Variants in MCM9 observed in about 807,000 individuals in gnomAD.
MCM9 encodes DNA helicase MCM9.
A neutral mutation model predicts 72.8 loss-of-function variants in MCM9; 55 were observed. The ratio of observed to expected loss-of-function variants is 0.76; its 90% CI spans 0.61 to 0.95. The LOEUF (loss-of-function observed/expected upper bound fraction) is 0.95, where lower values mean the gene tolerates loss of function less well. Among genes scored for constraint, MCM9 ranks in the 40% least tolerant of loss-of-function variants. MCM9 has a pLI of 0.00. For missense variants in MCM9, 1,279 were observed against 1,377.0 expected, an observed-to-expected ratio of 0.93 and a Z score of 1.13; for synonymous variants, 480 against 503.4, an observed-to-expected ratio of 0.95 and a Z score of 0.62.
chr6:118,868,815 G>C (rs1335313390), intron 8 of MCM9, among the ~76,000 whole-genome samples: 4 of 152,242 alleles, frequency 2.6e-5, no homozygotes, highest in South Asian at 2.1e-4. Context: ...TACACTGTTT[G>C]TGGGTGTATA....
chr6:118,866,432 A>T (rs1054239191), intron 8 of MCM9, among the ~76,000 whole-genome samples: 31 of 152,224 alleles, frequency 2.0e-4, no homozygotes, highest in African/African-American at 7.0e-4. Context: ...GGTCAAAAAG[A>T]TGCTCACCAG....
chr6:118,844,138 T>C (rs1335744858), intron 9 of MCM9, among the ~76,000 whole-genome samples: 1 of 151,894 alleles, frequency 6.6e-6, no homozygotes, highest in African/African-American at 2.4e-5. Flanking sequence ...TATCTGCTAT[T>C]AATTAACTTC....
intron 9 of MCM9, among the ~76,000 whole-genome samples, chr6:118,829,887 G>C (rs1038507230): frequency 1.3e-5 from 2 of 152,182 alleles, no homozygotes; most frequent in Non-Finnish European, 2.9e-5. Flanking sequence ...AAGAGAGAAA[G>C]AGGGAGGGAA....
At chr6:118,851,094 T>C (rs1006197233) in intron 9 of MCM9, among the ~76,000 whole-genome samples, 3 of 151,844 alleles carry the variant, frequency 2.0e-5, no homozygotes, top group African/African-American at 7.3e-5. Flanking sequence ...GTGCTGGGAT[T>C]ACAGGCATGA....
chr6:118,917,658 T>A lies in MCM9; in HGVS notation c.807A>T (p.Gln269His), dbSNP rs1409155621. Residue 269 changes from glutamine (Q) to histidine (H), a missense_variant, in exon 6 of 14, where the codon CAA (glutamine) becomes CAT (histidine). Transcript: ENST00000619706. ...TCCCTGAGGACTGCTCATTATTTAC[T>A]TGGATGTAATTTGCTTTCAGGACTA... ...VEIVLKANYI[Q>H]VNNEQSSGII... 8 of 1,614,194 alleles carry A rather than the reference T, an allele frequency of 5.0e-6. No individual in the cohort carries two copies. The highest frequency in any genetic ancestry group is 6.8e-6 in the Non-Finnish European group (8 of 1,180,014).
chr6:118,826,376 G>A, intron 12 of MCM9, 84 bp from the exon 13 acceptor site: 2 of 1,418,058 alleles, frequency 1.4e-6, no homozygotes, highest in Non-Finnish European at 1.9e-6. Context: ...CAATCCCCGG[G>A]GGCTAAGACC....
intron 9 of MCM9, among the ~76,000 whole-genome samples, chr6:118,843,669 T>TACAC (rs1554257114): frequency 1.4e-4 from 7 of 48,852 alleles, no homozygotes; most frequent in East Asian, 5.9e-4. Context: ...TATATATATA[T>TACAC]GTATGTATAT....
At chr6:118,837,444 ATCTG>A (rs1280241030) in intron 9 of MCM9, among the ~76,000 whole-genome samples, 8 of 152,224 alleles carry the variant, frequency 5.3e-5, no homozygotes, top group South Asian at 2.1e-4. Flanking sequence ...TGTCTCGTTG[ATCTG>A]TCTAATATTG....
chr6:118,898,511 G>A (rs1235569443), intron 8 of MCM9, among the ~76,000 whole-genome samples: 5 of 147,580 alleles, frequency 3.4e-5, no homozygotes, highest in Admixed American at 1.4e-4. Context: ...TGCAACCTCC[G>A]CCTCCAGGGT....
intron 9 of MCM9, among the ~76,000 whole-genome samples, chr6:118,836,817 G>C (rs1774990733): frequency 6.6e-6 from 1 of 152,030 alleles, no homozygotes; most frequent in Non-Finnish European, 1.5e-5. Context: ...ATTTTTTGAA[G>C]GGTTTTTCGT....
intron 12 of MCM9, 103 bp downstream of exon 12, chr6:118,826,679 T>C: frequency 1.2e-6 from 1 of 803,978 alleles, no homozygotes; most frequent in South Asian, 1.8e-5. Context: ...AAGTCTAGAA[T>C]ATGAGCATTT....
intron 9 of MCM9, among the ~76,000 whole-genome samples, chr6:118,840,734 C>A (rs1471386238): frequency 1.0e-5 from 1 of 99,488 alleles, no homozygotes; most frequent in Non-Finnish European, 1.9e-5. Flanking sequence ...TTCTCTCCTC[C>A]CCCCCCCCTT....
intron 9 of MCM9, among the ~76,000 whole-genome samples, chr6:118,836,549 C>T (rs945247446): frequency 4.6e-5 from 7 of 152,120 alleles, no homozygotes; most frequent in African/African-American, 1.2e-4. Context: ...TTCAGGTATT[C>T]GACTTCTTCC....
rs1387521157 is a variant in MCM9, at chr6:118,859,342, A to T, written c.1151-2797T>A. 7.2e-5 allele frequency among the ~76,000 whole-genome samples: 11 copies of T among 152,332 alleles called. No individual in the cohort carries two copies. In the East Asian group the frequency reaches 2.1e-3, roughly 29 times the overall value. On this transcript the variant is annotated intron_variant, in intron 8 of 13. Coordinates refer to ENST00000619706, the MANE Select transcript of MCM9 (RefSeq NM_017696.3). ...GAAACACAGGAGAAAATAGCTGTGA[A>T]TTCTTTTGGTTTCCAGTCTAGCACA...
chr6:118,882,840 G>A (rs1778378050), intron 8 of MCM9, among the ~76,000 whole-genome samples: 1 of 152,160 alleles, frequency 6.6e-6, no homozygotes, highest in African/African-American at 2.4e-5. Flanking sequence ...TAAAAAAAAG[G>A]ATAAAAAACG....
chr6:118,874,633 A>G (rs1777822251), intron 8 of MCM9, among the ~76,000 whole-genome samples: 1 of 152,264 alleles, frequency 6.6e-6, no homozygotes, highest in South Asian at 2.1e-4. Flanking sequence ...ACTGGGAAGG[A>G]AAAAATAAAA....
intron 8 of MCM9, chr6:118,894,622 TGGCGGCCGCGG>T: frequency 9.5e-7 from 1 of 1,054,082 alleles, no homozygotes. Flanking sequence ...GTTCGGCGCC[TGGCGGCCGCGG>T]GCTGCTCTGC....
intron 8 of MCM9, chr6:118,901,080 G>C (rs1779771331): frequency 2.0e-6 from 1 of 503,150 alleles, no homozygotes; most frequent in Non-Finnish European, 3.6e-6. Context: ...TATATGCTGA[G>C]AGATGTTAAT....
chr6:118,862,460 C>T (rs554528385), intron 8 of MCM9, among the ~76,000 whole-genome samples: 5 of 152,252 alleles, frequency 3.3e-5, no homozygotes, highest in African/African-American at 1.2e-4. Context: ...CAGTGGGAGC[C>T]CTGACCTTAT....
Sources: gnomAD v4.1 joint callset for allele counts (sites outside exome capture counted in the v4.1 genomes callset) on GRCh38, gnomAD v4.1.1 for gene constraint, MANE v1.5 for transcripts, NCBI Gene and HGNC (gene_info 2026-07-23, HGNC 2026-07-21) for gene names.